The following MLLT3 variants were observed in gnomAD, a reference collection of about 807,000 sequenced individuals.
The protein encoded by MLLT3 is MLLT3 super elongation complex subunit.
MLLT3 carries 4 observed loss-of-function variants against 53.2 expected under a neutral mutation model. That is an observed-to-expected ratio of 0.08 (90% CI 0.04 to 0.17). MLLT3 has a LOEUF of 0.17. Among genes scored for constraint, MLLT3 ranks in the 10% least tolerant of loss-of-function variants. The pLI is 1.00. For missense variants in MLLT3, 569 were observed against 684.0 expected (o/e 0.83, Z 1.87); for synonymous variants, 283 against 230.6 (o/e 1.23, Z -2.06).
At chr9:20,622,192 G>T in intron 1 of MLLT3, 53 bp downstream of exon 1, 1 of 1,544,592 alleles carries the variant, frequency 6.5e-7, no homozygotes, top group Non-Finnish European at 8.9e-7. Context: ...GCGGCGCAGG[G>T]CGAGGAAGGA....
intron 2 of MLLT3, among the ~76,000 whole-genome samples, chr9:20,550,109 C>G (rs1053411925): frequency 6.6e-6 from 1 of 152,162 alleles, no homozygotes; most frequent in African/African-American, 2.4e-5. Flanking sequence ...ACCTACAATT[C>G]AAAAACTCAC....
chr9:20,434,153 A>G (rs1231119601), intron 4 of MLLT3, among the ~76,000 whole-genome samples: 1 of 151,976 alleles, frequency 6.6e-6, no homozygotes, highest in Non-Finnish European at 1.5e-5. Context: ...AAAGGACATT[A>G]CTGGAACAAT....
At chr9:20,404,191 G>A (rs894629585) in intron 5 of MLLT3, among the ~76,000 whole-genome samples, 8 of 152,132 alleles carry the variant, frequency 5.3e-5, no homozygotes, top group East Asian at 1.9e-4. Context: ...AAAATGAAGC[G>A]TTAGGCCAAA....
chr9:20,498,710 A>G (rs1173407393), intron 2 of MLLT3, among the ~76,000 whole-genome samples: 2 of 152,134 alleles, frequency 1.3e-5, no homozygotes, highest in African/African-American at 4.8e-5. Flanking sequence ...TCTTCTTCCA[A>G]TGTGGCCCAA....
chr9:20,563,636 A>C (rs1267714420), intron 2 of MLLT3, among the ~76,000 whole-genome samples: 1 of 152,062 alleles, frequency 6.6e-6, no homozygotes, highest in Non-Finnish European at 1.5e-5. Context: ...TTACAATCCT[A>C]AAGCCTCTCA....
chr9:20,504,855 T>G (rs1045392014), intron 2 of MLLT3, among the ~76,000 whole-genome samples: 1 of 152,248 alleles, frequency 6.6e-6, no homozygotes, highest in African/African-American at 2.4e-5. Flanking sequence ...TATGTATAAT[T>G]TTTATTTTTC....
chr9:20,616,225 A>G (rs886069517), intron 2 of MLLT3, among the ~76,000 whole-genome samples: 1 of 152,172 alleles, frequency 6.6e-6, no homozygotes. Context: ...GAGACACAGA[A>G]GTAACTTGTC....
Position 20,344,835 on chromosome 9 carries a change from G to GA in MLLT3, c.*1607dup, listed in dbSNP as rs1472272398. 1 of 210,586 alleles carries GA rather than the reference G, an allele frequency of 4.7e-6. No homozygotes were observed. The highest frequency in any genetic ancestry group is 2.3e-5 in the African/African-American group (1 of 44,126). 13.0% of individuals were successfully genotyped at this position (210,586 alleles called of 1,614,324 possible). A position where few individuals can be genotyped will look rare whatever the true frequency, so the allele number is the denominator to read the frequency against. On this transcript the variant is annotated 3_prime_UTR_variant, in exon 11 of 11. Coordinates refer to ENST00000380338, the MANE Select transcript of MLLT3 (RefSeq NM_004529.4). Reference sequence around the variant, plus strand: ...TACAGACACTAGTTAATCTCTGTATGAAAAGACAGCATCTGGCATGGGAAC... The same window carrying GA: ...TACAGACACTAGTTAATCTCTGTATGAAAAAGACAGCATCTGGCATGGGAAC...
intron 2 of MLLT3, 87 bp from the exon 3 acceptor site, chr9:20,456,873 A>G (rs1823983144): frequency 4.0e-6 from 4 of 997,440 alleles, no homozygotes; most frequent in South Asian, 1.5e-5. Context: ...CCATTCTACC[A>G]TCTAGATCAC....
At chr9:20,415,920 T>C (rs1272311691) in intron 4 of MLLT3, among the ~76,000 whole-genome samples, 1 of 152,014 alleles carries the variant, frequency 6.6e-6, no homozygotes, top group East Asian at 1.9e-4. Flanking sequence ...CAAAATGACA[T>C]ATAACAAAAT....
intron 2 of MLLT3, among the ~76,000 whole-genome samples, chr9:20,540,617 T>A (rs1210079788): frequency 6.6e-6 from 1 of 152,170 alleles, no homozygotes; most frequent in Non-Finnish European, 1.5e-5. Context: ...GGGTGCCATG[T>A]CTTAAGGCTG....
intron 2 of MLLT3, among the ~76,000 whole-genome samples, chr9:20,545,109 A>G (rs868002336): frequency 2.0e-5 from 3 of 151,034 alleles, no homozygotes; most frequent in Middle Eastern, 3.4e-3. Context: ...AAAAAAAAAA[A>G]AAAAAAAAAA....
intron 2 of MLLT3, among the ~76,000 whole-genome samples, chr9:20,487,144 TA>T (rs1824835040): frequency 6.6e-6 from 1 of 152,150 alleles, no homozygotes; most frequent in Non-Finnish European, 1.5e-5. Flanking sequence ...AAAAAGGTCC[TA>T]AAGCTGCCGA....
chr9:20,429,901 T>G (rs1297272838), intron 4 of MLLT3, among the ~76,000 whole-genome samples: 1 of 152,150 alleles, frequency 6.6e-6, no homozygotes, highest in Non-Finnish European at 1.5e-5. Context: ...GTATTCCTAC[T>G]AACTCAGGAC....
At chr9:20,596,912 A>C (rs1480779712) in intron 2 of MLLT3, among the ~76,000 whole-genome samples, 1 of 152,162 alleles carries the variant, frequency 6.6e-6, no homozygotes, top group African/African-American at 2.4e-5. Context: ...TAAGTCTCCC[A>C]ATCCATGAAC....
chr9:20,564,113 C>T (rs1819288113), intron 2 of MLLT3, among the ~76,000 whole-genome samples: 1 of 152,110 alleles, frequency 6.6e-6, no homozygotes, highest in South Asian at 2.1e-4. Flanking sequence ...GCCTATCTTT[C>T]AGCAAACAAA....
intron 2 of MLLT3, among the ~76,000 whole-genome samples, chr9:20,539,027 T>C (rs767378081): frequency 7.9e-5 from 12 of 152,374 alleles, no homozygotes; most frequent in Admixed American, 6.5e-4. Flanking sequence ...TCATAATCTT[T>C]TCACTGGGGA....
intron 10 of MLLT3, among the ~76,000 whole-genome samples, chr9:20,350,386 G>C (rs1001767635): frequency 6.6e-6 from 1 of 152,048 alleles, no homozygotes; most frequent in Non-Finnish European, 1.5e-5. Context: ...ACGAGGTCAG[G>C]AGATCAAGAC....
At chr9:20,489,004 T>TG (rs894783717) in intron 2 of MLLT3, among the ~76,000 whole-genome samples, 2 of 152,134 alleles carry the variant, frequency 1.3e-5, no homozygotes, top group African/African-American at 4.8e-5. Flanking sequence ...TCTGTCTTCT[T>TG]GGGGGGAAGA....
Sources: gnomAD v4.1 joint callset for allele counts (sites outside exome capture counted in the v4.1 genomes callset) on GRCh38, gnomAD v4.1.1 for gene constraint, MANE v1.5 for transcripts, NCBI Gene and HGNC (gene_info 2026-07-23, HGNC 2026-07-21) for gene names.